Variants in MSR1 observed in about 807,000 individuals in gnomAD.
The protein encoded by MSR1 is macrophage scavenger receptor 1.
A neutral mutation model predicts 47.2 loss-of-function variants in MSR1; 53 were observed. That is an observed-to-expected ratio of 1.12 (90% confidence interval 0.90 to 1.41). The LOEUF (loss-of-function observed/expected upper bound fraction) is 1.41. Ranked by LOEUF, MSR1 falls within the 40% of genes most tolerant of loss-of-function variation. MSR1 has a pLI of 0.00. For synonymous variants in MSR1, 239 were observed against 185.6 expected (o/e 1.29, Z -2.34); for missense variants, 786 against 546.9 (o/e 1.44, Z -4.36).
chr8:16,120,166 A>T lies in MSR1; in HGVS notation c.1222+252T>A, dbSNP rs189643717. Among the ~76,000 whole-genome samples, 397 of 152,044 alleles carry T rather than the reference A, an allele frequency of 2.6e-3. 2 individuals carry two copies. Among genetic ancestry groups the T allele is most frequent in the Non-Finnish European group, 4.5e-3 (306 of 67,962 alleles). ...GGCGAGGCGGGCAGATCACGAGGTCAGGAGATCGAGACCATCCTGGCTAAC... is the reference window on the plus strand; with the variant it reads ...GGCGAGGCGGGCAGATCACGAGGTCTGGAGATCGAGACCATCCTGGCTAAC... On this transcript the variant is annotated intron_variant, in intron 9 of 9. Transcript: ENST00000262101.
chr8:16,127,114 A>T (rs12681378), intron 8 of MSR1, among the ~76,000 whole-genome samples: 5,704 of 152,232 alleles, frequency 0.037, 216 homozygotes, highest in East Asian at 0.12. Flanking sequence ...CAGTTTCTCA[A>T]CTACTTTGTG....
intron 5 of MSR1, among the ~76,000 whole-genome samples, chr8:16,157,906 C>G (rs1249344787): frequency 6.6e-6 from 1 of 151,832 alleles, no homozygotes; most frequent in African/African-American, 2.4e-5. Flanking sequence ...TTTGCAATGT[C>G]TCTATCAAAT....
intron 9 of MSR1, among the ~76,000 whole-genome samples, chr8:16,119,150 T>A (rs947604939): frequency 6.6e-6 from 1 of 152,180 alleles, no homozygotes; most frequent in East Asian, 1.9e-4. Flanking sequence ...CCTCTCTTCA[T>A]GAAATTAAAT....
chr8:16,161,103 G>C (rs1053085064), intron 5 of MSR1, among the ~76,000 whole-genome samples: 21 of 150,996 alleles, frequency 1.4e-4, no homozygotes, highest in Non-Finnish European at 2.5e-4. Context: ...CTGAGAAGCG[G>C]ATGTAATACA....
chr8:16,173,958 G>A (rs1007040220), intron 3 of MSR1, among the ~76,000 whole-genome samples: 1 of 149,994 alleles, frequency 6.7e-6, no homozygotes, highest in Non-Finnish European at 1.5e-5. Flanking sequence ...TGACTTTTTT[G>A]TTTTTTTATT....
intron 8 of MSR1, 51 bp from the exon 9 acceptor site, chr8:16,120,657 A>G (rs1417664649): frequency 6.5e-7 from 1 of 1,528,308 alleles, no homozygotes; most frequent in Non-Finnish European, 8.7e-7. Context: ...GCAAGGACTA[A>G]TTATGTACAT....
intron 9 of MSR1, among the ~76,000 whole-genome samples, chr8:16,112,722 T>A (rs1457334502): frequency 4.6e-5 from 7 of 151,902 alleles, no homozygotes; most frequent in Non-Finnish European, 1.5e-5. Flanking sequence ...GGGCTGTCAC[T>A]GTTATTATTT....
intron 3 of MSR1, 47 bp downstream of exon 3, chr8:16,175,140 A>C: frequency 1.3e-6 from 2 of 1,486,110 alleles, no homozygotes; most frequent in Non-Finnish European, 1.9e-6. Context: ...GGCAATGAAT[A>C]ATTCACGGGA....
intron 1 of MSR1, among the ~76,000 whole-genome samples, chr8:16,188,506 T>A (rs1052613136): frequency 6.6e-6 from 1 of 151,978 alleles, no homozygotes; most frequent in African/African-American, 2.4e-5. Flanking sequence ...AAATTTTTTT[T>A]ATTATTCTTT....
intron 8 of MSR1, among the ~76,000 whole-genome samples, chr8:16,135,653 G>T (rs1431761453): frequency 6.6e-6 from 1 of 152,130 alleles, no homozygotes; most frequent in Non-Finnish European, 1.5e-5. Context: ...TTGTAAGGCT[G>T]TAACTGACAC....
chr8:16,157,749 T>C (rs1801050764), intron 5 of MSR1, among the ~76,000 whole-genome samples: 1 of 151,932 alleles, frequency 6.6e-6, no homozygotes, highest in Admixed American at 6.6e-5. Flanking sequence ...ACTAGCCTCC[T>C]CTCCATTCCC....
rs1051147358 is a variant in MSR1, at chr8:16,185,761, G to A, written c.-5+6837C>T. ...GAAAATCCAAGGGCATTAAGAGAGA[G>A]GACAAATTAATAGCATCTAAAACAC... is the stretch of plus-strand genomic sequence containing the variant. On this transcript the variant is annotated intron_variant, in intron 1 of 9. Transcript: ENST00000262101. 4.6e-5 allele frequency among the ~76,000 whole-genome samples: 7 copies of A among 151,248 alleles called. No individual in the cohort carries two copies. In the East Asian group the frequency reaches 1.4e-3, roughly 30 times the overall value.
At position 16,169,888 on chromosome 8, in the gene MSR1, T is replaced by TA. The variant is rs60822646; in HGVS notation, c.218-1019dup. Among the ~76,000 whole-genome samples, 896 of 151,330 alleles carry TA rather than the reference T, an allele frequency of 5.9e-3. 2 individuals are homozygous for TA. The highest frequency in any genetic ancestry group is 7.0e-3 in the Admixed American group (106 of 15,170). On this transcript the variant is annotated intron_variant, in intron 3 of 9. Transcript: ENST00000262101. Reference sequence around the variant, plus strand: ...TCTTGTGATTAATTATTTCCCAAATTAAAAAAAAATTATATTCTAAAATAG... The same window carrying TA: ...TCTTGTGATTAATTATTTCCCAAATTAAAAAAAAAATTATATTCTAAAATAG...
At chr8:16,115,537 T>C (rs1799858607) in intron 9 of MSR1, among the ~76,000 whole-genome samples, 2 of 152,218 alleles carry the variant, frequency 1.3e-5, no homozygotes, top group African/African-American at 4.8e-5. Context: ...AAGTAGATCA[T>C]AAAACTTACT....
At chr8:16,188,750 G>C (rs1033438763) in intron 1 of MSR1, among the ~76,000 whole-genome samples, 3 of 151,940 alleles carry the variant, frequency 2.0e-5, no homozygotes, top group Non-Finnish European at 4.4e-5. Flanking sequence ...TTATGAGTGA[G>C]AACATGCAGT....
At chr8:16,175,091 G>A in intron 3 of MSR1, 96 bp downstream of exon 3, 1 of 943,918 alleles carries the variant, frequency 1.1e-6, no homozygotes, top group Non-Finnish European at 1.7e-6. Context: ...CTTTATGAAT[G>A]TACCATATAC....
At chr8:16,119,373 G>A (rs1157225849) in intron 9 of MSR1, among the ~76,000 whole-genome samples, 1 of 151,972 alleles carries the variant, frequency 6.6e-6, no homozygotes, top group Non-Finnish European at 1.5e-5. Flanking sequence ...TTACCGGCGT[G>A]CACCACCATG....
chr8:16,135,546 G>C (rs1366905495), intron 8 of MSR1, among the ~76,000 whole-genome samples: 1 of 152,132 alleles, frequency 6.6e-6, no homozygotes, highest in Non-Finnish European at 1.5e-5. Context: ...AGAAAGACTG[G>C]TGTTGTTTTC....
chr8:16,152,851 A>G (rs1044379569), intron 6 of MSR1, among the ~76,000 whole-genome samples: 3 of 152,078 alleles, frequency 2.0e-5, no homozygotes, highest in East Asian at 3.9e-4. Flanking sequence ...ATCTGTTTAC[A>G]CATACTCTAT....
Sources: allele counts gnomAD v4.1 joint callset (sites outside exome capture counted in the v4.1 genomes callset), GRCh38; gene constraint gnomAD v4.1.1; transcripts MANE v1.5; gene names NCBI Gene and HGNC (gene_info 2026-07-23, HGNC 2026-07-21).